TSPAN14: variants seen among roughly 807,000 people sequenced by gnomAD.
TSPAN14 encodes tetraspanin-14.
TSPAN14 carries 16 observed loss-of-function variants against 36.6 expected under a neutral mutation model. The ratio of observed to expected loss-of-function variants is 0.44; its 90% CI spans 0.30 to 0.66. TSPAN14 has a LOEUF of 0.66. Among genes scored for constraint, TSPAN14 ranks in the 30% least tolerant of loss-of-function variants. The pLI is 0.12. For missense variants in TSPAN14, 231 were observed against 355.1 expected (o/e 0.65, Z 2.81); for synonymous variants, 139 against 143.8 (o/e 0.97, Z 0.24).
intron 1 of TSPAN14, among the ~76,000 whole-genome samples, chr10:80,486,049 A>G (rs1847578067): frequency 6.6e-6 from 1 of 152,118 alleles, no homozygotes; most frequent in Non-Finnish European, 1.5e-5. Flanking sequence ...CCCCTAGTGT[A>G]GTTTCGAGTG....
intron 1 of TSPAN14, among the ~76,000 whole-genome samples, chr10:80,473,332 T>C (rs192112657): frequency 4.6e-5 from 7 of 152,272 alleles, no homozygotes; most frequent in African/African-American, 1.7e-4. Flanking sequence ...GGTTTTGGGT[T>C]GTGAGTTTTT....
intron 1 of TSPAN14, among the ~76,000 whole-genome samples, chr10:80,462,348 A>C (rs1846018356): frequency 1.2e-5 from 1 of 85,590 alleles, no homozygotes. Flanking sequence ...GGGCGTAGGA[A>C]TGGGGTGGGA....
At chr10:80,475,943 A>G (rs1019097124) in intron 1 of TSPAN14, among the ~76,000 whole-genome samples, 5 of 152,204 alleles carry the variant, frequency 3.3e-5, no homozygotes, top group Non-Finnish European at 7.3e-5. Context: ...GTTCCAGGAC[A>G]TACCCCCTCC....
chr10:80,516,389 TAG>T (rs1840943840), intron 8 of TSPAN14, 66 bp downstream of exon 8: 1 of 1,608,746 alleles, frequency 6.2e-7, no homozygotes, highest in Admixed American at 1.7e-5. Flanking sequence ...GCCCTTAACA[TAG>T]AGTGCATGGG....
At chr10:80,473,015 T>G (rs1001920695) in intron 1 of TSPAN14, among the ~76,000 whole-genome samples, 2 of 152,222 alleles carry the variant, frequency 1.3e-5, no homozygotes, top group African/African-American at 4.8e-5. Flanking sequence ...GTGCACCTTG[T>G]GAAGCCTTCC....
chr10:80,495,900 T>C (rs147605004), intron 2 of TSPAN14, among the ~76,000 whole-genome samples: 1 of 152,198 alleles, frequency 6.6e-6, no homozygotes, highest in Non-Finnish European at 1.5e-5. Flanking sequence ...CCAGAAACTT[T>C]CCTTGTGCCC....
At chr10:80,503,682 G>T (rs767018225) in intron 2 of TSPAN14, among the ~76,000 whole-genome samples, 2 of 152,114 alleles carry the variant, frequency 1.3e-5, no homozygotes, top group Non-Finnish European at 2.9e-5. Context: ...TCACTTTCAG[G>T]TTGGATGAGA....
At chr10:80,518,344 T>C (rs1841061520) in exon 9 of TSPAN14, 1 of 278,234 alleles carries the variant, frequency 3.6e-6, no homozygotes, top group Non-Finnish European at 7.0e-6. Context: ...TCCACTGGCA[T>C]CCAGACATCT....
At chr10:80,517,852 C>G in intron 8 of TSPAN14, 53 bp from the exon 9 acceptor site, 1 of 1,537,870 alleles carries the variant, frequency 6.5e-7, no homozygotes, top group Non-Finnish European at 8.8e-7. Context: ...GCTCCCTGCC[C>G]TCTGCCTTTG....
At position 80,511,764 on chromosome 10, in the gene TSPAN14, CT is replaced by C. The variant is rs1564745291; in HGVS notation, c.451-379del. ...TCTCTCTCTCTCTCTCTCTCTCTCT[CT>C]CTCTCTCCCCTTTTTTCTTTCTCTC... On this transcript the variant is annotated intron_variant, in intron 5 of 8. Transcript: ENST00000429989. Among the ~76,000 whole-genome samples the C allele has an allele frequency of 1.2e-3, 143 of 122,980 alleles. 6 individuals carry two copies. Among genetic ancestry groups the C allele is most frequent in the African/African-American group, 1.8e-3 (53 of 30,280 alleles). 80.7% of individuals were successfully genotyped at this position (122,980 alleles called of 152,430 possible). A position where few individuals can be genotyped will look rare whatever the true frequency, so the allele number is the denominator to read the frequency against.
chr10:80,489,168 G>A, intron 1 of TSPAN14, 49 bp from the exon 2 acceptor site: 2 of 1,291,674 alleles, frequency 1.5e-6, no homozygotes, highest in South Asian at 2.5e-5. Context: ...TTGGGGGAAA[G>A]GTTTTAACGC....
intron 1 of TSPAN14, among the ~76,000 whole-genome samples, chr10:80,469,498 G>A (rs1000109061): frequency 2.0e-5 from 3 of 152,112 alleles, no homozygotes; most frequent in Non-Finnish European, 2.9e-5. Context: ...GGAAGAGCTT[G>A]CTTCCCTGGG....
At chr10:80,479,729 T>A (rs1847141864) in intron 1 of TSPAN14, among the ~76,000 whole-genome samples, 1 of 151,940 alleles carries the variant, frequency 6.6e-6, no homozygotes, top group Non-Finnish European at 1.5e-5. Context: ...GGTAGCGTGA[T>A]GCCTCCAGCT....
At chr10:80,498,455 A>C (rs112152201) in intron 2 of TSPAN14, among the ~76,000 whole-genome samples, 14 of 152,132 alleles carry the variant, frequency 9.2e-5, no homozygotes, top group African/African-American at 3.4e-4. Context: ...TCTTTCCATC[A>C]TCCTTTCCTA....
intron 2 of TSPAN14, among the ~76,000 whole-genome samples, chr10:80,498,763 C>T (rs1203072516): frequency 3.3e-5 from 5 of 152,204 alleles, no homozygotes; most frequent in African/African-American, 4.8e-5. Context: ...AAGCATGTCA[C>T]GTAGGATCTT....
intron 2 of TSPAN14, among the ~76,000 whole-genome samples, chr10:80,493,654 A>G (rs1052534532): frequency 6.6e-6 from 1 of 152,252 alleles, no homozygotes; most frequent in African/African-American, 2.4e-5. Flanking sequence ...ATGCAAAAAG[A>G]CAAACACTGT....
In TSPAN14 at chr10:80,504,973, G is replaced by T. The variant is rs376318678; in HGVS notation, c.132+195G>T. 2.9e-4 allele frequency among the ~76,000 whole-genome samples: 44 copies of T among 152,342 alleles called. 1 individual carries two copies. In the East Asian group the frequency reaches 4.6e-3, roughly 16 times the overall value. ...TGATAGTATTGGCTGCTGGAGGTAT[G>T]GGCTGGGCTGGTTGGGTTTTGAGCC... On this transcript the variant is annotated intron_variant, in intron 3 of 8. Transcript: ENST00000429989.
intron 1 of TSPAN14, among the ~76,000 whole-genome samples, chr10:80,456,848 A>C (rs1845755593): frequency 6.6e-6 from 1 of 152,190 alleles, no homozygotes; most frequent in African/African-American, 2.4e-5. Flanking sequence ...GGATCACCTG[A>C]GGTCAGGAGT....
At chr10:80,517,214 AAGAAAT>A (rs1373896086) in intron 8 of TSPAN14, among the ~76,000 whole-genome samples, 8 of 152,250 alleles carry the variant, frequency 5.3e-5, no homozygotes, top group African/African-American at 1.9e-4. Flanking sequence ...AAGGAAGACT[AAGAAAT>A]AGGAGGAAGC....
Sources: gnomAD v4.1 joint callset for allele counts (sites outside exome capture counted in the v4.1 genomes callset) on GRCh38, gnomAD v4.1.1 for gene constraint, MANE v1.5 for transcripts, NCBI Gene and HGNC (gene_info 2026-07-23, HGNC 2026-07-21) for gene names.